The following VWCE variants were observed in gnomAD, a reference collection of about 807,000 sequenced individuals.
VWCE encodes the protein von Willebrand factor C and EGF domains, also known as von Willebrand factor C and EGF domain-containing protein.
Under a neutral mutation model 102.9 loss-of-function variants are expected in VWCE, and 68 were observed. The ratio of observed to expected loss-of-function variants is 0.66; its 90% CI spans 0.54 to 0.81. The LOEUF (loss-of-function observed/expected upper bound fraction) is 0.81, where lower values mean the gene tolerates loss of function less well. Among genes scored for constraint, VWCE ranks in the 30% least tolerant of loss-of-function variants. The pLI is 0.00. For synonymous variants in VWCE, 497 were observed against 515.4 expected, an observed-to-expected ratio of 0.96 and a Z score of 0.48; for missense variants, 1,137 against 1,263.6, an observed-to-expected ratio of 0.90 and a Z score of 1.52.
At chr11:61,291,446 G>A (rs1855499764) in intron 2 of VWCE, 36 bp downstream of exon 2, 2 of 1,562,572 alleles carry the variant, frequency 1.3e-6, no homozygotes, top group Admixed American at 1.9e-5. Context: ...CACACTGCTG[G>A]AGGAGAAGAC....
intron 5 of VWCE, among the ~76,000 whole-genome samples, chr11:61,284,981 A>G (rs955906861): frequency 2.6e-5 from 4 of 151,918 alleles, no homozygotes; most frequent in African/African-American, 9.7e-5. Flanking sequence ...AAGAGATACC[A>G]GAGAGCTCTC....
chr11:61,271,535 T>G, intron 14 of VWCE, 140 bp downstream of exon 14: 1 of 740,884 alleles, frequency 1.3e-6, no homozygotes, highest in African/African-American at 1.8e-5. Context: ...ACCCTTTTTG[T>G]GAAAGTGGAA....
chr11:61,264,912 T>C (rs751057008), intron 18 of VWCE, 44 bp downstream of exon 18: 1 of 1,601,272 alleles, frequency 6.2e-7, no homozygotes, highest in African/African-American at 1.3e-5. Flanking sequence ...GGCAAGAAGC[T>C]GCCCTCTGGC....
chr11:61,281,812 A>G lies in VWCE; in HGVS notation c.761T>C (p.Leu254Pro), dbSNP rs1299590308. The G allele has an allele frequency of 3.1e-6, 5 of 1,613,606 alleles. No homozygotes were observed. The highest frequency in any genetic ancestry group is 3.4e-6 in the Non-Finnish European group (4 of 1,179,798). The part of the protein sequence containing the change: ...FLCTCRPGFR[L>P]RADRVSCEAF... ...TTCACAGGACACGCGGTCAGCTCGG[A>G]GCCTGAAGCCAGGTCGGCATGTGCA... is the stretch of plus-strand genomic sequence containing the variant. The change falls in exon 7 of 20, where the codon CTC (leucine) becomes CCC (proline). Residue 254 changes from leucine to proline, a missense_variant. Around this residue, in one of 5 missense-constraint regions of VWCE, gnomAD observed 575 missense variants for 625.9 expected, o/e 0.92. Transcript: ENST00000335613.
intron 4 of VWCE, among the ~76,000 whole-genome samples, 169 bp from the exon 5 acceptor site, chr11:61,286,599 C>T: frequency 6.6e-6 from 1 of 150,844 alleles, no homozygotes. Flanking sequence ...GGTCGGAGTT[C>T]AAGACCAGCC....
chr11:61,264,420 T>C, intron 19 of VWCE, 67 bp downstream of exon 19: 2 of 1,471,854 alleles, frequency 1.4e-6, no homozygotes, highest in Non-Finnish European at 1.9e-6. Flanking sequence ...AAGTTCTATG[T>C]ACCGGGGAAG....
At chr11:61,281,637 GC>G (rs1305459435) in intron 7 of VWCE, 148 bp downstream of exon 7, 1 of 1,104,050 alleles carries the variant, frequency 9.1e-7, no homozygotes, top group Non-Finnish European at 1.2e-6. Flanking sequence ...GGTGGGCGGG[GC>G]CGGGGTAGGG....
rs1854807877 is a variant in VWCE at position 61,273,600 on chromosome 11, G to A, written c.1582-284C>T. 2.5e-5 allele frequency: 11 copies of A among 436,902 alleles called. No individual in the cohort carries two copies. In the Admixed American group the frequency reaches 4.0e-4, roughly 16 times the overall value. The allele number at this position is 436,902 out of a possible 1,614,324, so 27.1% of individuals were successfully genotyped here. A position where few individuals can be genotyped will look rare whatever the true frequency, so the allele number is the denominator to read the frequency against. On this transcript the variant is annotated intron_variant, in intron 12 of 19. Coordinates refer to ENST00000335613, the MANE Select transcript of VWCE (RefSeq NM_152718.2). ...CTCTCACCCTCCCGCTTCCATCCAG[G>A]CTCCCTACTGCCTAAACCATTTGGC...
chr11:61,263,342 A>G (rs957420566), intron 19 of VWCE, among the ~76,000 whole-genome samples: 4 of 152,142 alleles, frequency 2.6e-5, no homozygotes, highest in Non-Finnish European at 4.4e-5. Context: ...ATTTGCAACA[A>G]CATGGATGAA....
intron 5 of VWCE, 122 bp downstream of exon 5, chr11:61,286,192 G>T: frequency 1.1e-6 from 1 of 948,176 alleles, no homozygotes; most frequent in Non-Finnish European, 1.7e-6. Context: ...CTCCGAAGCC[G>T]GTGGTGAAGG....
At chr11:61,293,097 C>T (rs1363124154) in intron 1 of VWCE, among the ~76,000 whole-genome samples, 1 of 151,892 alleles carries the variant, frequency 6.6e-6, no homozygotes, top group Non-Finnish European at 1.5e-5. Flanking sequence ...CAAAATTAGC[C>T]GGGCATGGTG....
At chr11:61,284,961 A>AAAG (rs1003102241) in intron 5 of VWCE, among the ~76,000 whole-genome samples, 1 of 152,004 alleles carries the variant, frequency 6.6e-6, no homozygotes, top group African/African-American at 2.4e-5. Context: ...CAAAAAAAAA[A>AAAG]AAGAAGAAGA....
chr11:61,277,828 C>G (rs1386422893), intron 10 of VWCE, among the ~76,000 whole-genome samples: 1 of 152,072 alleles, frequency 6.6e-6, no homozygotes, highest in African/African-American at 2.4e-5. Flanking sequence ...TCAGTAGATG[C>G]TCCTAATCAG....
At chr11:61,291,598 T>C (rs1183026459) in intron 1 of VWCE, 22 bp from the exon 2 acceptor site, 4 of 1,423,626 alleles carry the variant, frequency 2.8e-6, no homozygotes, top group South Asian at 3.1e-5. Context: ...GAGAGAGCAC[T>C]TTCCTCATTC....
rs562915907 is a variant in VWCE, at chr11:61,288,851, T to G, written c.424+1948A>C. Among the ~76,000 whole-genome samples, 510 of 151,654 alleles carry G rather than the reference T, an allele frequency of 3.4e-3. 1 individual carries two copies. Among genetic ancestry groups the G allele is most frequent in the Middle Eastern group, 0.014 (4 of 294 alleles). On this transcript the variant is annotated intron_variant, in intron 4 of 19. Transcript: ENST00000335613. ...CTCTTTATGGCGCGTTTTTTTTTTT[T>G]TTTTTGAGACGGAATCTCGCTCTGT...
intron 5 of VWCE, 77 bp downstream of exon 5, chr11:61,286,237 G>C: frequency 1.5e-6 from 2 of 1,374,580 alleles, no homozygotes; most frequent in Non-Finnish European, 2.0e-6. Context: ...CACTGCACTG[G>C]GCATGGCAGG....
Position 61,269,030 on chromosome 11 carries a change from A to G in VWCE, c.1786-12T>C, listed in dbSNP as rs1157601677. 6.2e-6 allele frequency: 10 copies of G among 1,613,506 alleles called. No homozygotes were observed. Among genetic ancestry groups the G allele is most frequent in the Non-Finnish European group, 6.8e-6 (8 of 1,179,772 alleles). ...ACCGAGCCATCTGCCTGGAGGAAGG[A>G]GGAACTTCACCAAGACCCCACCGGT... On this transcript the variant is annotated splice_polypyrimidine_tract_variant and intron_variant, in intron 14 of 19. Transcript: ENST00000335613.
At chr11:61,286,823 CGCGGTG>C in intron 4 of VWCE, among the ~76,000 whole-genome samples, 1 of 149,516 alleles carries the variant, frequency 6.7e-6, no homozygotes, top group South Asian at 2.1e-4. Context: ...GAAGGCCGGG[CGCGGTG>C]GCTCACGCCT....
intron 12 of VWCE, among the ~76,000 whole-genome samples, chr11:61,274,203 C>T (rs1431608263): frequency 1.3e-5 from 2 of 152,122 alleles, no homozygotes; most frequent in Non-Finnish European, 2.9e-5. Context: ...GCCCTGGGCA[C>T]CCGGCCATCA....
Sources: gnomAD v4.1 joint callset for allele counts (sites outside exome capture counted in the v4.1 genomes callset) on GRCh38, gnomAD v4.1.1 for gene constraint, gnomAD v4.1.1 regional missense constraint, MANE v1.5 for transcripts, NCBI Gene and HGNC (gene_info 2026-07-23, HGNC 2026-07-21) for gene names.